SCARA3: variants seen among roughly 807,000 people sequenced by gnomAD.
SCARA3 encodes the protein scavenger receptor class A member 3, also known as cellular stress response gene protein.
A neutral mutation model predicts 47.0 loss-of-function variants in SCARA3; 39 were observed. The ratio of observed to expected loss-of-function variants is 0.83; its 90% CI spans 0.64 to 1.08. SCARA3 has a LOEUF of 1.08. Among genes scored for constraint, SCARA3 ranks in the 50% least tolerant of loss-of-function variants. The pLI is 0.00. For missense variants in SCARA3, 724 were observed against 792.3 expected (o/e 0.91, Z 1.04); for synonymous variants, 356 against 334.1 (o/e 1.07, Z -0.71).
chr8:27,693,559 C>T, the SCARA3 span, among the ~76,000 whole-genome samples: 5 of 152,180 alleles, frequency 3.3e-5, no homozygotes, highest in South Asian at 1.0e-3. Context: ...TAAAGCTCCC[C>T]CAACTATCTG....
the SCARA3 span, among the ~76,000 whole-genome samples, chr8:27,727,803 A>T: frequency 6.6e-6 from 1 of 152,236 alleles, no homozygotes; most frequent in African/African-American, 2.4e-5. Context: ...GCAAGAAGGG[A>T]TTCTGGTTGT....
the SCARA3 span, among the ~76,000 whole-genome samples, chr8:27,690,418 C>G: frequency 6.6e-6 from 1 of 152,322 alleles, no homozygotes; most frequent in Non-Finnish European, 1.5e-5. Flanking sequence ...CCCTCTTTCT[C>G]TCACACACAT....
At chr8:27,690,649 T>C in the SCARA3 span, among the ~76,000 whole-genome samples, 9 of 152,210 alleles carry the variant, frequency 5.9e-5, no homozygotes, top group African/African-American at 2.2e-4. Flanking sequence ...TAAAAAGCAA[T>C]GTGCAAAAGA....
intron 2 of SCARA3, among the ~76,000 whole-genome samples, chr8:27,650,486 G>A (rs1257830550): frequency 6.6e-6 from 1 of 152,208 alleles, no homozygotes; most frequent in Non-Finnish European, 1.5e-5. Context: ...AGTGACTTTG[G>A]TGTAGAGTAG....
chr8:27,722,682 C>T, the SCARA3 span, among the ~76,000 whole-genome samples: 1 of 152,318 alleles, frequency 6.6e-6, no homozygotes, highest in East Asian at 1.9e-4. Flanking sequence ...CATTTTCAAG[C>T]CTTTTTCTCC....
the SCARA3 span, among the ~76,000 whole-genome samples, chr8:27,692,429 A>C: frequency 6.6e-6 from 1 of 152,116 alleles, no homozygotes; most frequent in Non-Finnish European, 1.5e-5. Flanking sequence ...CAAAAAAAAA[A>C]AAAAAAACAA....
At chr8:27,707,206 A>T in the SCARA3 span, among the ~76,000 whole-genome samples, 1 of 152,192 alleles carries the variant, frequency 6.6e-6, no homozygotes, top group Non-Finnish European at 1.5e-5. Flanking sequence ...GATTCTTTAG[A>T]GAAACTGAAG....
chr8:27,673,073 C>T, downstream of SCARA3: 2 of 877,168 alleles, frequency 2.3e-6, no homozygotes, highest in Non-Finnish European at 2.7e-6. Context: ...GCCTTCAGGG[C>T]TGCACTCCAG....
the SCARA3 span, among the ~76,000 whole-genome samples, chr8:27,710,542 C>A: frequency 3.9e-5 from 6 of 152,176 alleles, no homozygotes; most frequent in African/African-American, 1.4e-4. Context: ...CGAAAACTAT[C>A]ACCCCATGGC....
At chr8:27,656,663 GAGA>G (rs778929856) in intron 3 of SCARA3, 116 bp from the exon 4 acceptor site, 68 of 691,296 alleles carry the variant, frequency 9.8e-5, no homozygotes, top group Admixed American at 1.3e-4. Flanking sequence ...AGAAGCCTGA[GAGA>G]AGAAGGGTGA....
chr8:27,730,296 C>G, the SCARA3 span, among the ~76,000 whole-genome samples: 3 of 152,126 alleles, frequency 2.0e-5, no homozygotes, highest in Non-Finnish European at 4.4e-5. Flanking sequence ...CTTCATTTCT[C>G]AACTCATTAT....
At chr8:27,650,709 T>G (rs478045) in intron 2 of SCARA3, among the ~76,000 whole-genome samples, 1 of 152,000 alleles carries the variant, frequency 6.6e-6, no homozygotes, top group Admixed American at 6.5e-5. Context: ...CACCTGTCTG[T>G]GTATTCAGGA....
intron 5 of SCARA3, among the ~76,000 whole-genome samples, chr8:27,665,232 C>G (rs1801991547): frequency 6.6e-6 from 1 of 152,224 alleles, no homozygotes; most frequent in Admixed American, 6.5e-5. Context: ...CACTTCATCC[C>G]TCCAGGGCTC....
At chr8:27,659,848 T>TAAAAAAA (rs1164812144) in intron 5 of SCARA3, among the ~76,000 whole-genome samples, 8 of 40,354 alleles carry the variant, frequency 2.0e-4, no homozygotes, top group Admixed American at 3.8e-4. Context: ...AGTCCTTATC[T>TAAAAAAA]AAAAAAAAAA....
At chr8:27,666,234 T>A (rs751016343) in intron 5 of SCARA3, among the ~76,000 whole-genome samples, 79 of 152,204 alleles carry the variant, frequency 5.2e-4, no homozygotes, top group Non-Finnish European at 7.5e-4. Context: ...GCTGCAGCCC[T>A]TTGTTGGTTT....
At chr8:27,634,565 C>G (rs1801208459) in intron 1 of SCARA3, among the ~76,000 whole-genome samples, 1 of 152,210 alleles carries the variant, frequency 6.6e-6, no homozygotes, top group African/African-American at 2.4e-5. Context: ...AATTTCGACC[C>G]TGGGGACCCA....
At chr8:27,695,683 T>A in the SCARA3 span, among the ~76,000 whole-genome samples, 1 of 152,062 alleles carries the variant, frequency 6.6e-6, no homozygotes, top group East Asian at 1.9e-4. Context: ...CGCAGAGAAT[T>A]GGGAGTTATA....
intron 2 of SCARA3, among the ~76,000 whole-genome samples, chr8:27,650,966 C>T (rs542824375): frequency 6.6e-6 from 1 of 152,146 alleles, no homozygotes; most frequent in South Asian, 2.1e-4. Context: ...CTCAAGTGAT[C>T]CCCCTGCCTC....
At chr8:27,728,663 G>A in the SCARA3 span, among the ~76,000 whole-genome samples, 2 of 152,210 alleles carry the variant, frequency 1.3e-5, no homozygotes, top group African/African-American at 2.4e-5. Flanking sequence ...AATTATATGT[G>A]AGATTGAAGT....
Sources: allele counts gnomAD v4.1 joint callset (sites outside exome capture counted in the v4.1 genomes callset), GRCh38; gene constraint gnomAD v4.1.1; transcripts MANE v1.5; gene names NCBI Gene and HGNC (gene_info 2026-07-23, HGNC 2026-07-21).